Variants in PTPRT observed in about 807,000 individuals in gnomAD.
PTPRT encodes receptor-type tyrosine-protein phosphatase T.
PTPRT carries 56 observed loss-of-function variants against 176.8 expected under a neutral mutation model. The observed-to-expected ratio is 0.32, with a 90% CI of 0.26 to 0.40. The LOEUF (loss-of-function observed/expected upper bound fraction) is 0.40. PTPRT is among the 10% of genes least tolerant of loss of function. The pLI is 1.00. For synonymous variants in PTPRT, 783 were observed against 739.0 expected (o/e 1.06, Z -0.96); for missense variants, 1,540 against 1,908.2 (o/e 0.81, Z 3.60).
At chr20:42,373,514 C>G (rs2058614112) in intron 9 of PTPRT, among the ~76,000 whole-genome samples, 1 of 152,294 alleles carries the variant, frequency 6.6e-6, no homozygotes, top group South Asian at 2.1e-4. Context: ...TGACCTGTCT[C>G]CCGCATGGAT....
chr20:42,599,799 C>T (rs753046542), intron 7 of PTPRT, among the ~76,000 whole-genome samples: 17 of 152,164 alleles, frequency 1.1e-4, no homozygotes, highest in Non-Finnish European at 2.2e-4. Context: ...GGATCTTAAT[C>T]AAATGCCACC....
chr20:42,723,497 C>T (rs1600663498), intron 6 of PTPRT, among the ~76,000 whole-genome samples: 3 of 152,142 alleles, frequency 2.0e-5, no homozygotes, highest in African/African-American at 7.2e-5. Flanking sequence ...CCAGATGTAG[C>T]AATGCGGGCA....
At chr20:42,267,510 C>T (rs1762313566) in intron 13 of PTPRT, among the ~76,000 whole-genome samples, 1 of 152,184 alleles carries the variant, frequency 6.6e-6, no homozygotes, top group Non-Finnish European at 1.5e-5. Context: ...ATACAATATT[C>T]AAATTCTATT....
chr20:42,421,259 C>T (rs11907414), intron 9 of PTPRT, among the ~76,000 whole-genome samples: 17,658 of 136,548 alleles, frequency 0.13, 1,013 homozygotes, highest in Admixed American at 0.15. Flanking sequence ...CACACACGCA[C>T]GCACGCACAC....
intron 9 of PTPRT, among the ~76,000 whole-genome samples, chr20:42,405,588 A>T (rs186176331): frequency 3.7e-4 from 56 of 152,308 alleles, no homozygotes; most frequent in Middle Eastern, 3.4e-3. Flanking sequence ...AATCCAGTCT[A>T]TCATTGATGG....
intron 7 of PTPRT, among the ~76,000 whole-genome samples, chr20:42,613,985 T>G (rs1403767167): frequency 4.2e-5 from 5 of 117,972 alleles, no homozygotes. Context: ...TACCATAGAC[T>G]GGGTGGGGGG....
At chr20:42,902,242 T>A (rs1323935975) in intron 1 of PTPRT, among the ~76,000 whole-genome samples, 1 of 152,154 alleles carries the variant, frequency 6.6e-6, no homozygotes, top group Non-Finnish European at 1.5e-5. Flanking sequence ...GGAAAAGAAC[T>A]AAGGTCCAGA....
At chr20:42,204,327 A>G (rs1222212293) in intron 15 of PTPRT, among the ~76,000 whole-genome samples, 1 of 152,182 alleles carries the variant, frequency 6.6e-6, no homozygotes, top group African/African-American at 2.4e-5. Context: ...CAATAGTCAT[A>G]TGACTCATGG....
At chr20:43,068,753 C>T (rs1192340493) in intron 1 of PTPRT, among the ~76,000 whole-genome samples, 1 of 151,900 alleles carries the variant, frequency 6.6e-6, no homozygotes, top group African/African-American at 2.4e-5. Flanking sequence ...ACAGGGCAGT[C>T]GGATAAAGCA....
intron 10 of PTPRT, 92 bp from the exon 11 acceptor site, chr20:42,350,822 T>C (rs949607336): frequency 1.1e-6 from 1 of 950,882 alleles, no homozygotes; most frequent in Non-Finnish European, 1.7e-6. Flanking sequence ...AGACACAGCA[T>C]GGATAGAGGG....
chr20:42,415,267 G>A (rs757299822), intron 9 of PTPRT, among the ~76,000 whole-genome samples: 3 of 152,176 alleles, frequency 2.0e-5, no homozygotes, highest in Non-Finnish European at 4.4e-5. Flanking sequence ...CTGTAACCTT[G>A]AGCTCCTGGG....
intron 2 of PTPRT, among the ~76,000 whole-genome samples, chr20:42,824,510 G>A (rs2077958458): frequency 6.6e-6 from 1 of 151,822 alleles, no homozygotes; most frequent in South Asian, 2.1e-4. Context: ...TTTAATGAGG[G>A]GAGAAAGGCT....
rs753135574 is a variant in PTPRT, at chr20:42,881,444, G to A, written c.214+4363C>T. On this transcript the variant is annotated intron_variant, in intron 2 of 30. Transcript: ENST00000373187. ...TGAGACATGAAGAAATCAGCAAAGC[G>A]CCAGATGCAGTGGCTCATGCCTGTA... Among the ~76,000 whole-genome samples the A allele has an allele frequency of 3.9e-5, 6 of 152,170 alleles. No homozygotes were observed. The South Asian group carries it at 8.3e-4, about 21-fold the overall frequency.
intron 6 of PTPRT, among the ~76,000 whole-genome samples, chr20:42,739,340 G>A (rs1600682964): frequency 6.6e-6 from 1 of 152,122 alleles, no homozygotes; most frequent in Admixed American, 6.5e-5. Flanking sequence ...GAGAACAGGG[G>A]AAGAGAGGAG....
rs778575318 is a variant in PTPRT, at chr20:42,236,250, G to T, written c.2321C>A (p.Ala774Asp). 25 of 1,603,026 alleles carry T rather than the reference G, an allele frequency of 1.6e-5. No homozygotes were observed. Among genetic ancestry groups the T allele is most frequent in the Non-Finnish European group, 2.0e-5 (23 of 1,170,810 alleles). The change falls in exon 15 of 31, where the codon GCT (alanine) becomes GAT (aspartate). Residue 774 changes from alanine to aspartate, a missense_variant. Transcript: ENST00000373187. ...TTACAAGTAATAGGAGTAGGAATAA[G>T]CATTTCTTCTATATATTGATGGGCA... ...VMLTIKRRRN[A>D]YSYSYYLKLA...
At chr20:42,788,933 C>A (rs998033601) in intron 3 of PTPRT, among the ~76,000 whole-genome samples, 2 of 152,314 alleles carry the variant, frequency 1.3e-5, no homozygotes, top group African/African-American at 2.4e-5. Flanking sequence ...TTGACAACCA[C>A]GAGCTACTGA....
chr20:43,098,360 C>T (rs1351332081), intron 1 of PTPRT, among the ~76,000 whole-genome samples: 3 of 152,120 alleles, frequency 2.0e-5, no homozygotes, highest in African/African-American at 4.8e-5. Flanking sequence ...CCTCAGTTTC[C>T]TCATCTGTAA....
intron 1 of PTPRT, among the ~76,000 whole-genome samples, chr20:43,115,551 T>C (rs1361339463): frequency 6.6e-6 from 1 of 152,188 alleles, no homozygotes; most frequent in Non-Finnish European, 1.5e-5. Context: ...TCTGGAGACA[T>C]TTTGGGTTGT....
intron 1 of PTPRT, among the ~76,000 whole-genome samples, chr20:43,142,442 C>A (rs1383421281): frequency 1.3e-5 from 2 of 152,208 alleles, no homozygotes; most frequent in Admixed American, 1.3e-4. Context: ...AACATTCTCT[C>A]CCCTCAAAGA....
Sources: gnomAD v4.1 joint callset for allele counts (sites outside exome capture counted in the v4.1 genomes callset) on GRCh38, gnomAD v4.1.1 for gene constraint, MANE v1.5 for transcripts, NCBI Gene and HGNC (gene_info 2026-07-23, HGNC 2026-07-21) for gene names.